ZC3HAV1L: variants seen among roughly 807,000 people sequenced by gnomAD.
The protein encoded by ZC3HAV1L is ZC3HAV1 like.
A neutral mutation model predicts 28.2 loss-of-function variants in ZC3HAV1L; 23 were observed. That is an observed-to-expected ratio of 0.82 (90% CI 0.59 to 1.16). The LOEUF is 1.16. ZC3HAV1L is among the 50% of genes most tolerant of loss of function. The pLI, the probability that ZC3HAV1L is intolerant of heterozygous loss-of-function variation, is 0.00. For missense variants in ZC3HAV1L, 376 were observed against 387.7 expected, an observed-to-expected ratio of 0.97 and a Z score of 0.25; for synonymous variants, 180 against 163.4, an observed-to-expected ratio of 1.10 and a Z score of -0.78.
chr7:139,035,634 C>CCCG lies in ZC3HAV1L; in HGVS notation c.365+16_365+18dup. On this transcript the variant is annotated intron_variant, in intron 1 of 4. Coordinates refer to ENST00000275766, the MANE Select transcript of ZC3HAV1L (RefSeq NM_080660.4). ...CCGCGGCCAGCGCCCACAGTCCCCG[C>CCCG]CCGCCGCCGCCTTCTCACCAGCAGT... The CCCG allele has an allele frequency of 4.3e-6, 6 of 1,389,432 alleles. No individual in the cohort carries two copies. The South Asian group carries it at 8.1e-5, about 19-fold the overall frequency. The allele number at this position is 1,389,432 out of a possible 1,614,324, so 86.1% of individuals were successfully genotyped here.
intron 2 of ZC3HAV1L, among the ~76,000 whole-genome samples, chr7:139,030,661 T>C (rs547021737): frequency 6.6e-6 from 1 of 151,572 alleles, no homozygotes; most frequent in South Asian, 2.1e-4. Flanking sequence ...ACCCCGTCTC[T>C]ACCAAAAATA....
chr7:139,030,602 G>A (rs1815497182), intron 2 of ZC3HAV1L, among the ~76,000 whole-genome samples: 1 of 151,754 alleles, frequency 6.6e-6, no homozygotes, highest in Non-Finnish European at 1.5e-5. Flanking sequence ...GCCAAGGTGG[G>A]TGGATCAAAA....
chr7:139,032,676 TAAAA>T (rs1206552895), intron 2 of ZC3HAV1L, among the ~76,000 whole-genome samples: 1 of 149,164 alleles, frequency 6.7e-6, no homozygotes, highest in Non-Finnish European at 1.5e-5. Context: ...ATAAAATAAA[TAAAA>T]AATAAAATAA....
Position 139,035,905 on chromosome 7 carries a change from C to A in ZC3HAV1L, c.113G>T (p.Arg38Leu). 1 of 1,513,946 alleles carries A rather than the reference C, an allele frequency of 6.6e-7. No homozygotes were observed. The highest frequency in any genetic ancestry group is 1.2e-5 in the South Asian group (1 of 81,702). 93.8% of individuals were successfully genotyped at this position (1,513,946 alleles called of 1,614,324 possible). ...GGGCCCGGCGCGCTGCAGCACGTCC[C>A]GGAGCCTGGCCTCCGACAGCTCCAC... ...GHVELSEARL[R>L]DVLQRAGPER... Residue 38 changes from arginine to leucine, a missense_variant, in exon 1 of 5, where the codon CGG (arginine) becomes CTG (leucine). Coordinates refer to ENST00000275766, the MANE Select transcript of ZC3HAV1L (RefSeq NM_080660.4).
At position 139,035,909 on chromosome 7, in the gene ZC3HAV1L, G is replaced by A. The variant is rs770932085; in HGVS notation, c.109C>T (p.Leu37Phe). 9.9e-6 allele frequency: 15 copies of A among 1,513,960 alleles called. No homozygotes were observed. Among genetic ancestry groups the A allele is most frequent in the Admixed American group, 2.0e-5 (1 of 49,110 alleles). 93.8% of individuals were successfully genotyped at this position (1,513,960 alleles called of 1,614,324 possible). A position where few individuals can be genotyped will look rare whatever the true frequency, so the allele number is the denominator to read the frequency against. Residue 37 changes from leucine (L) to phenylalanine (F), a missense_variant, in exon 1 of 5, where the codon CTC becomes TTC. Physicochemically the swap from Leu to Phe is conservative, Grantham distance 22. Coordinates refer to ENST00000275766, the MANE Select transcript of ZC3HAV1L (RefSeq NM_080660.4). ...CCGGCGCGCTGCAGCACGTCCCGGA[G>A]CCTGGCCTCCGACAGCTCCACGTGG... Reference protein sequence around the residue: ...RGHVELSEARLRDVLQRAGPE... With the variant: ...RGHVELSEARFRDVLQRAGPE...
intron 2 of ZC3HAV1L, among the ~76,000 whole-genome samples, chr7:139,032,183 T>C (rs1220620296): frequency 1.3e-5 from 2 of 152,114 alleles, no homozygotes; most frequent in Non-Finnish European, 2.9e-5. Flanking sequence ...TCATGGAAAA[T>C]AGATCCTACA....
chr7:139,027,727 G>A (rs188924818), intron 3 of ZC3HAV1L, among the ~76,000 whole-genome samples: 4 of 152,126 alleles, frequency 2.6e-5, no homozygotes, highest in Admixed American at 2.6e-4. Flanking sequence ...TATTTATAAT[G>A]GGAATATGCA....
rs1374733476 is a variant in ZC3HAV1L at position 139,028,893 on chromosome 7, T to C, written c.569A>G (p.Lys190Arg). 1 of 1,614,220 alleles carries C rather than the reference T, an allele frequency of 6.2e-7. No individual in the cohort carries two copies. Among genetic ancestry groups the C allele is most frequent in the Admixed American group, 1.7e-5 (1 of 60,022 alleles). Residue 190 changes from lysine to arginine, a missense_variant, in exon 3 of 5, where the codon AAG (lysine) becomes AGG (arginine). Physicochemically the swap from Lys to Arg is conservative, Grantham distance 26. Transcript: ENST00000275766. ...CACAAAGGATTTGCACACATGAAAC[T>C]TGTTGCATTTATCCTTGAGGTTGCA... ...GYCNLKDKCN[K>R]FHVCKSFVKG...
chr7:139,027,305 C>T (rs945933652), intron 3 of ZC3HAV1L, among the ~76,000 whole-genome samples: 3 of 152,182 alleles, frequency 2.0e-5, no homozygotes, highest in Admixed American at 1.3e-4. Context: ...TTTCTAGGTA[C>T]CAGCAAATGT....
chr7:139,035,910 C>T lies in ZC3HAV1L; in HGVS notation c.108G>A (p.Arg36=). ...CGGCGCGCTGCAGCACGTCCCGGAG[C>T]CTGGCCTCCGACAGCTCCACGTGGC... The part of the protein sequence containing the change: ...LRGHVELSEA[R]LRDVLQRAGP... The change falls in exon 1 of 5, where the codon AGG becomes AGA. Residue 36 remains arginine, a synonymous_variant. Coordinates refer to ENST00000275766, the MANE Select transcript of ZC3HAV1L (RefSeq NM_080660.4). The T allele has an allele frequency of 6.6e-7, 1 of 1,513,806 alleles. No individual in the cohort carries two copies. Among genetic ancestry groups the T allele is most frequent in the Middle Eastern group, 2.0e-4 (1 of 5,050 alleles). 93.8% of individuals were successfully genotyped at this position (1,513,806 alleles called of 1,614,324 possible). A position where few individuals can be genotyped will look rare whatever the true frequency, so the allele number is the denominator to read the frequency against.
Position 139,034,692 on chromosome 7 carries a change from G to T in ZC3HAV1L, c.366-14C>A. ...GTACAGGTAGACCTAAAAGAACAAA[G>T]CCCTCGGTCAGATGCCCAGGTGAAG... On this transcript the variant is annotated splice_polypyrimidine_tract_variant and intron_variant, in intron 1 of 4. Coordinates refer to ENST00000275766, the MANE Select transcript of ZC3HAV1L (RefSeq NM_080660.4). 1 of 1,613,340 alleles carries T rather than the reference G, an allele frequency of 6.2e-7. No individual in the cohort carries two copies. Among genetic ancestry groups the T allele is most frequent in the Non-Finnish European group, 8.5e-7 (1 of 1,179,506 alleles).
intron 1 of ZC3HAV1L, 157 bp from the exon 2 acceptor site, chr7:139,034,835 A>C (rs566183118): frequency 3.2e-5 from 32 of 985,320 alleles, no homozygotes; most frequent in Non-Finnish European, 3.7e-5. Context: ...CTGATGGAAA[A>C]TAAGAAAATT....
chr7:139,022,229 GA>G (rs34401868), downstream of ZC3HAV1L: 488 of 178,386 alleles, frequency 2.7e-3, 2 homozygotes, highest in Non-Finnish European at 4.1e-3. Context: ...TCCTTAGGGG[GA>G]AAAAAAGATT....
At chr7:139,030,384 G>A (rs2130631881) in intron 2 of ZC3HAV1L, among the ~76,000 whole-genome samples, 2 of 152,296 alleles carry the variant, frequency 1.3e-5, no homozygotes, top group Admixed American at 1.3e-4. Flanking sequence ...GGTGGAGGTT[G>A]CAGTGAGCCA....
chr7:139,025,099 G>T (rs914872760), downstream of ZC3HAV1L, among the ~76,000 whole-genome samples: 1 of 152,176 alleles, frequency 6.6e-6, no homozygotes, highest in African/African-American at 2.4e-5. Flanking sequence ...ACAATTTAAA[G>T]GAGTGGATAT....
intron 2 of ZC3HAV1L, among the ~76,000 whole-genome samples, chr7:139,031,917 CAAAAA>C (rs1320091814): frequency 1.3e-5 from 2 of 151,408 alleles, no homozygotes; most frequent in Non-Finnish European, 2.9e-5. Flanking sequence ...AAAAACAAAA[CAAAAA>C]AAAGTAGCTG....
At position 139,035,377 on chromosome 7, in the gene ZC3HAV1L, C is replaced by T. The variant is rs548679086; in HGVS notation, c.365+276G>A. The T allele has an allele frequency of 3.6e-3, 3,557 of 985,036 alleles. 8 individuals are homozygous for T. The highest frequency in any genetic ancestry group is 7.8e-3 in the Middle Eastern group (15 of 1,914). 61.0% of individuals were successfully genotyped at this position (985,036 alleles called of 1,614,324 possible). On this transcript the variant is annotated intron_variant, in intron 1 of 4. Coordinates refer to ENST00000275766, the MANE Select transcript of ZC3HAV1L (RefSeq NM_080660.4). Reference sequence around the variant, plus strand: ...AGTCCCAGTCCGGATTTAACCCGGCCGCGTCGCGCAGGATCCGGGGGGGCG... The same window carrying T: ...AGTCCCAGTCCGGATTTAACCCGGCTGCGTCGCGCAGGATCCGGGGGGGCG...
intron 2 of ZC3HAV1L, chr7:139,033,854 C>T (rs1480375974): frequency 1.2e-4 from 117 of 985,350 alleles, no homozygotes; most frequent in South Asian, 4.7e-5. Context: ...CCTCCTCTCC[C>T]TTCCTGCCAA....
At chr7:139,034,049 T>C (rs1815618380) in intron 2 of ZC3HAV1L, 2 of 985,330 alleles carry the variant, frequency 2.0e-6, no homozygotes, top group Admixed American at 6.1e-5. Flanking sequence ...TGGGTACAGA[T>C]TCTGCTGCCT....
Sources: gnomAD v4.1 joint callset for allele counts (sites outside exome capture counted in the v4.1 genomes callset) on GRCh38, gnomAD v4.1.1 for gene constraint, MANE v1.5 for transcripts, NCBI Gene and HGNC (gene_info 2026-07-23, HGNC 2026-07-21) for gene names.